CFAP20DC: variants seen among roughly 807,000 people sequenced by gnomAD.
CFAP20DC encodes CFAP20 domain containing.
A neutral mutation model predicts 101.7 loss-of-function variants in CFAP20DC; 84 were observed. That is an observed-to-expected ratio of 0.83 (90% CI 0.69 to 0.99). The LOEUF is 0.99. Ranked by LOEUF, CFAP20DC falls within the 50% of genes least tolerant of loss-of-function variation. The pLI is 0.00. For synonymous variants in CFAP20DC, 359 were observed against 351.2 expected (o/e 1.02, Z -0.25); for missense variants, 1,007 against 970.3 (o/e 1.04, Z -0.50).
At chr3:58,768,702 G>A (rs1222910848) in intron 15 of CFAP20DC, among the ~76,000 whole-genome samples, 1 of 152,124 alleles carries the variant, frequency 6.6e-6, no homozygotes, top group Non-Finnish European at 1.5e-5. Flanking sequence ...GACTAGCCTG[G>A]TTCTATTGCC....
chr3:59,028,792 C>T (rs1345139303), intron 4 of CFAP20DC, among the ~76,000 whole-genome samples: 3 of 152,132 alleles, frequency 2.0e-5, no homozygotes, highest in East Asian at 3.8e-4. Context: ...GTGCTTAGAA[C>T]AATGCTGATG....
chr3:59,023,444 A>C (rs61409694), intron 4 of CFAP20DC, among the ~76,000 whole-genome samples: 27,971 of 152,004 alleles, frequency 0.18, 2,599 homozygotes, highest in Non-Finnish European at 0.2. Flanking sequence ...TTTGACCTTA[A>C]AGAACGATTA....
chr3:58,888,572 C>T (rs927580516), intron 6 of CFAP20DC, among the ~76,000 whole-genome samples: 13 of 152,128 alleles, frequency 8.5e-5, no homozygotes, highest in Admixed American at 6.5e-4. Flanking sequence ...TCCCCAACCC[C>T]TGACAAGCCC....
intron 14 of CFAP20DC, among the ~76,000 whole-genome samples, chr3:58,822,690 A>T (rs2107938485): frequency 6.6e-6 from 1 of 152,266 alleles, no homozygotes; most frequent in African/African-American, 2.4e-5. Context: ...CTTTTCAAAT[A>T]AAAACTGCTG....
intron 6 of CFAP20DC, among the ~76,000 whole-genome samples, chr3:58,890,214 GC>G (rs2082050127): frequency 6.7e-6 from 1 of 150,278 alleles, no homozygotes; most frequent in Non-Finnish European, 1.5e-5. Context: ...GGACGGGGCG[GC>G]TGGCCGGGCA....
At chr3:58,846,903 A>C (rs1470261963) in intron 13 of CFAP20DC, among the ~76,000 whole-genome samples, 23 of 150,790 alleles carry the variant, frequency 1.5e-4, no homozygotes, top group African/African-American at 4.9e-4. Flanking sequence ...TGAGAAAAAC[A>C]AACAATGGGG....
chr3:58,765,022 T>C (rs982267494), intron 15 of CFAP20DC, among the ~76,000 whole-genome samples: 26 of 152,118 alleles, frequency 1.7e-4, no homozygotes, highest in African/African-American at 5.6e-4. Context: ...AACAGATTGA[T>C]TTAATACTAA....
chr3:58,943,838 G>A (rs951679931), intron 4 of CFAP20DC, among the ~76,000 whole-genome samples: 1 of 152,014 alleles, frequency 6.6e-6, no homozygotes, highest in Admixed American at 6.6e-5. Flanking sequence ...AATAGTTAGA[G>A]GAATTGCTAA....
chr3:58,837,716 T>C (rs888528283), intron 13 of CFAP20DC, among the ~76,000 whole-genome samples: 1 of 152,148 alleles, frequency 6.6e-6, no homozygotes, highest in African/African-American at 2.4e-5. Flanking sequence ...TCACTGGTGG[T>C]TTGAAATTTA....
intron 7 of CFAP20DC, among the ~76,000 whole-genome samples, chr3:58,872,380 TA>T (rs60488531): frequency 0.17 from 24,945 of 146,968 alleles, 4,188 homozygotes; most frequent in African/African-American, 0.42. Context: ...GCATCAGTCT[TA>T]AAAAAAAAAA....
At chr3:58,730,018 C>CAAAAA (rs769033730) in intron 3 of CFAP20DC, among the ~76,000 whole-genome samples, 202 of 53,472 alleles carry the variant, frequency 3.8e-3, no homozygotes, top group African/African-American at 0.012. Context: ...AACCTGTCTC[C>CAAAAA]AAAAAAAAAA....
intron 13 of CFAP20DC, among the ~76,000 whole-genome samples, chr3:58,835,962 A>G (rs2076709041): frequency 6.6e-6 from 1 of 152,208 alleles, no homozygotes; most frequent in Non-Finnish European, 1.5e-5. Flanking sequence ...TCATCTCAAA[A>G]TATCCTTGTA....
intron 5 of CFAP20DC, among the ~76,000 whole-genome samples, chr3:58,932,076 A>T (rs977277940): frequency 6.6e-6 from 1 of 152,236 alleles, no homozygotes; most frequent in South Asian, 2.1e-4. Context: ...AGAAGTGCTT[A>T]AAGGAGCTGA....
At chr3:58,813,732 C>G (rs1024205862) in intron 14 of CFAP20DC, among the ~76,000 whole-genome samples, 33 of 151,912 alleles carry the variant, frequency 2.2e-4, no homozygotes, top group Admixed American at 3.9e-4. Flanking sequence ...ATCTGATAAT[C>G]ACAGTCACTT....
In CFAP20DC at chr3:58,899,727, G is replaced by C. The variant is rs2082982636; in HGVS notation, c.550+13981C>G. On this transcript the variant is annotated intron_variant, in intron 6 of 16. Coordinates refer to ENST00000482387, the MANE Select transcript of CFAP20DC (RefSeq NM_001394063.1). This position sits in a 1 kb window ranked among gnomAD's most constrained non-coding sequence, Gnocchi z 5.0. ...CCGCTTCCCTTGGCTGGGGTGGGGG[G>C]ACTGTTGGCTTCATGCCACTCCCGG... is the stretch of plus-strand genomic sequence containing the variant. 6.6e-6 allele frequency among the ~76,000 whole-genome samples: 1 copy of C among 152,150 alleles called. No individual in the cohort carries two copies. Among genetic ancestry groups the C allele is most frequent in the African/African-American group, 2.4e-5 (1 of 41,446 alleles).
At chr3:58,847,172 A>C in intron 13 of CFAP20DC, among the ~76,000 whole-genome samples, 1 of 128,338 alleles carries the variant, frequency 7.8e-6, no homozygotes, top group Non-Finnish European at 1.6e-5. Context: ...AATGGGATCT[A>C]ATTAAACTAA....
chr3:58,806,565 G>C, intron 14 of CFAP20DC, 109 bp from the exon 15 acceptor site: 4 of 790,350 alleles, frequency 5.1e-6, no homozygotes, highest in Admixed American at 1.9e-5. Flanking sequence ...CAACCCACAA[G>C]AAGGGTATGG....
chr3:59,004,677 C>T (rs2093393139), intron 4 of CFAP20DC, among the ~76,000 whole-genome samples: 1 of 152,210 alleles, frequency 6.6e-6, no homozygotes, highest in African/African-American at 2.4e-5. Flanking sequence ...ATTTGGTAAA[C>T]ATGATCTGCT....
chr3:58,867,762 T>A (rs2079815494), intron 10 of CFAP20DC, 55 bp downstream of exon 10: 2 of 1,601,052 alleles, frequency 1.2e-6, no homozygotes, highest in Non-Finnish European at 1.7e-6. Flanking sequence ...CAGAGAGAGA[T>A]TCGATTGCCC....
Sources: allele counts gnomAD v4.1 joint callset (sites outside exome capture counted in the v4.1 genomes callset), GRCh38; gene constraint gnomAD v4.1.1; non-coding constraint Gnocchi (gnomAD v3.1); transcripts MANE v1.5; gene names NCBI Gene and HGNC (gene_info 2026-07-23, HGNC 2026-07-21).